The following SEL1L3 variants were observed in gnomAD, a reference collection of about 807,000 sequenced individuals.
The protein encoded by SEL1L3 is SEL1L family member 3.
A neutral mutation model predicts 142.8 loss-of-function variants in SEL1L3; 76 were observed. That is an observed-to-expected ratio of 0.53 (90% CI 0.44 to 0.64). The LOEUF (loss-of-function observed/expected upper bound fraction) is 0.64. Ranked by LOEUF, SEL1L3 falls within the 30% of genes least tolerant of loss-of-function variation. SEL1L3 has a pLI of 0.00. For missense variants in SEL1L3, 1,262 were observed against 1,381.7 expected, an observed-to-expected ratio of 0.91 and a Z score of 1.37; for synonymous variants, 504 against 519.6, an observed-to-expected ratio of 0.97 and a Z score of 0.41.
chr4:25,839,897 C>G (rs528329796), intron 2 of SEL1L3, among the ~76,000 whole-genome samples: 26 of 152,312 alleles, frequency 1.7e-4, no homozygotes, highest in Non-Finnish European at 2.2e-4. Context: ...CCTCGGCCTC[C>G]AAGTCTGCCC....
intron 1 of SEL1L3, among the ~76,000 whole-genome samples, chr4:25,856,855 C>T (rs946024978): frequency 1.3e-5 from 2 of 152,110 alleles, no homozygotes; most frequent in African/African-American, 4.8e-5. Flanking sequence ...GCTGAGAAAA[C>T]TTGGCTTTGT....
intron 16 of SEL1L3, chr4:25,777,766 A>G (rs1338563087): frequency 2.2e-6 from 1 of 453,574 alleles, no homozygotes; most frequent in Non-Finnish European, 4.4e-6. Flanking sequence ...AGTCAGTCTA[A>G]GTCAAGTTTA....
At chr4:25,799,905 G>C (rs1713060755) in intron 11 of SEL1L3, among the ~76,000 whole-genome samples, 1 of 151,884 alleles carries the variant, frequency 6.6e-6, no homozygotes, top group African/African-American at 2.4e-5. Context: ...AAAATGTAGA[G>C]AGAGAACAGA....
In SEL1L3 at chr4:25,837,493, C is replaced by T. The variant is rs1032674688; in HGVS notation, c.734-2170G>A. 1.1e-4 allele frequency among the ~76,000 whole-genome samples: 17 copies of T among 151,178 alleles called. 1 individual carries two copies. The highest frequency in any genetic ancestry group is 2.4e-4 in the African/African-American group (10 of 41,026). ...AAAGACCAAAATAAAGCAGGTCAAA[C>T]GGGAGAACTTGCCGCAATAGATTAT... On this transcript the variant is annotated intron_variant, in intron 2 of 23. Coordinates refer to ENST00000399878, the MANE Select transcript of SEL1L3 (RefSeq NM_015187.5).
the SEL1L3 span, among the ~76,000 whole-genome samples, chr4:25,732,843 A>G: frequency 6.6e-6 from 1 of 152,100 alleles, no homozygotes; most frequent in Non-Finnish European, 1.5e-5. Context: ...TCCCAGGTTC[A>G]AGAAATTCTC....
At chr4:25,862,073 A>C (rs1717745800) in intron 1 of SEL1L3, 1 of 152,278 alleles carries the variant, frequency 6.6e-6, no homozygotes, top group Non-Finnish European at 1.5e-5. Flanking sequence ...TAAGCGTGTT[A>C]CAGAGAACTA....
In SEL1L3 at chr4:25,795,225, A is replaced by G. The variant is rs80099216; in HGVS notation, c.1957-4651T>C. 3.7e-4 allele frequency among the ~76,000 whole-genome samples: 56 copies of G among 152,272 alleles called. No homozygotes were observed. The East Asian group carries it at 9.6e-3, about 26-fold the overall frequency. On this transcript the variant is annotated intron_variant, in intron 11 of 23. Transcript: ENST00000399878. ...AACATAAAATATAATATTTCTTTTA[A>G]AAGAAGATTGTTTGTGAAAGAGCTT...
chr4:25,834,376 C>T (rs1052079409), intron 3 of SEL1L3, among the ~76,000 whole-genome samples: 3 of 152,202 alleles, frequency 2.0e-5, no homozygotes, highest in Non-Finnish European at 4.4e-5. Context: ...GGAATGATTA[C>T]ATTTTGTATG....
At chr4:25,806,624 A>G (rs1713595301) in intron 9 of SEL1L3, among the ~76,000 whole-genome samples, 1 of 152,130 alleles carries the variant, frequency 6.6e-6, no homozygotes, top group Non-Finnish European at 1.5e-5. Flanking sequence ...CTGTGCTGGC[A>G]GACCCTGAGC....
intron 13 of SEL1L3, among the ~76,000 whole-genome samples, chr4:25,786,568 G>A (rs906518574): frequency 2.6e-5 from 4 of 152,102 alleles, no homozygotes; most frequent in African/African-American, 7.2e-5. Context: ...GACAGCGATC[G>A]GCCTCCACTC....
chr4:25,743,070 G>A (rs886772433), downstream of SEL1L3, among the ~76,000 whole-genome samples: 1 of 152,190 alleles, frequency 6.6e-6, no homozygotes, highest in Admixed American at 6.5e-5. Context: ...GGTGGTGACT[G>A]CGGCAAATCG....
chr4:25,737,071 G>C, the SEL1L3 span, among the ~76,000 whole-genome samples: 2 of 150,922 alleles, frequency 1.3e-5, no homozygotes, highest in Admixed American at 6.6e-5. Context: ...TGCAACCTCC[G>C]CCTCCTGGGT....
intron 3 of SEL1L3, 103 bp downstream of exon 3, chr4:25,835,094 C>T: frequency 7.0e-7 from 1 of 1,418,952 alleles, no homozygotes; most frequent in Non-Finnish European, 9.6e-7. Context: ...AAACACCTTA[C>T]CAAGAAGGTG....
At chr4:25,768,802 T>C (rs1053585274) in intron 17 of SEL1L3, among the ~76,000 whole-genome samples, 1 of 151,948 alleles carries the variant, frequency 6.6e-6, no homozygotes, top group African/African-American at 2.4e-5. Flanking sequence ...TGCAAAAATT[T>C]CCATTCAGTG....
the SEL1L3 span, among the ~76,000 whole-genome samples, chr4:25,727,312 G>A: frequency 1.3e-5 from 2 of 152,000 alleles, no homozygotes; most frequent in African/African-American, 2.4e-5. Context: ...TTGGCCTCCC[G>A]AAGTGTTGGG....
At chr4:25,845,406 G>A (rs946750840) in intron 2 of SEL1L3, among the ~76,000 whole-genome samples, 4 of 152,156 alleles carry the variant, frequency 2.6e-5, no homozygotes, top group African/African-American at 7.2e-5. Context: ...TGAGGTGGGA[G>A]GATTGTTTGA....
intron 1 of SEL1L3, among the ~76,000 whole-genome samples, chr4:25,850,970 C>T (rs1394212578): frequency 6.6e-6 from 1 of 152,034 alleles, no homozygotes; most frequent in Non-Finnish European, 1.5e-5. Context: ...CCTGCCTCAG[C>T]CTCCCGAGTA....
At chr4:25,778,705 C>A (rs1719802113) in intron 16 of SEL1L3, among the ~76,000 whole-genome samples, 1 of 152,050 alleles carries the variant, frequency 6.6e-6, no homozygotes, top group South Asian at 2.1e-4. Context: ...CATCATTAGA[C>A]AATGCCTCGG....
chr4:25,812,408 A>G (rs927139650), intron 9 of SEL1L3, among the ~76,000 whole-genome samples: 5 of 152,156 alleles, frequency 3.3e-5, no homozygotes, highest in Non-Finnish European at 4.4e-5. Context: ...TCCTGATTTC[A>G]CAGTAGAGCT....
Sources: allele counts gnomAD v4.1 joint callset (sites outside exome capture counted in the v4.1 genomes callset), GRCh38; gene constraint gnomAD v4.1.1; transcripts MANE v1.5; gene names NCBI Gene and HGNC (gene_info 2026-07-23, HGNC 2026-07-21).